The following CDYL variants were observed in gnomAD, a reference collection of about 807,000 sequenced individuals.
CDYL encodes chromodomain Y like.
In CDYL, 8 loss-of-function variants were observed where a neutral mutation model predicts 47.3. That is an observed-to-expected ratio of 0.17 (90% CI 0.10 to 0.31). CDYL has a LOEUF of 0.31. CDYL is among the 10% of genes least tolerant of loss of function. The probability of loss-of-function intolerance (pLI) is 1.00; values close to 1 mark genes in which losing one functional copy is unlikely to be tolerated. For missense variants in CDYL, 471 were observed against 701.4 expected (o/e 0.67, Z 3.71); for synonymous variants, 266 against 265.0 (o/e 1.00, Z -0.04).
At chr6:4,735,062 G>A (rs1757677305) in intron 3 of CDYL, among the ~76,000 whole-genome samples, 1 of 152,142 alleles carries the variant, frequency 6.6e-6, no homozygotes. Flanking sequence ...CGAGGCAGGC[G>A]GATCAGCTGA....
chr6:4,897,899 C>CA (rs111631974), intron 2 of CDYL, among the ~76,000 whole-genome samples: 25 of 149,036 alleles, frequency 1.7e-4, no homozygotes, highest in South Asian at 1.5e-3. Flanking sequence ...ACTAAAAATA[C>CA]AAAAAAAATT....
At chr6:4,783,218 T>C (rs1186936203) in intron 1 of CDYL, among the ~76,000 whole-genome samples, 1 of 151,944 alleles carries the variant, frequency 6.6e-6, no homozygotes, top group Non-Finnish European at 1.5e-5. Context: ...GAGATTTCTT[T>C]AGTGAGGGAC....
intron 2 of CDYL, among the ~76,000 whole-genome samples, chr6:4,920,413 G>A (rs747096734): frequency 2.0e-5 from 3 of 152,192 alleles, no homozygotes; most frequent in South Asian, 2.1e-4. Flanking sequence ...ATATATTATG[G>A]CACCACTGGA....
chr6:4,859,625 G>C (rs1193027758), intron 1 of CDYL, among the ~76,000 whole-genome samples: 3 of 152,200 alleles, frequency 2.0e-5, no homozygotes, highest in African/African-American at 7.2e-5. Context: ...ATGAGTGCTA[G>C]TTCTGCACAC....
chr6:4,913,023 G>C (rs1322801900), intron 2 of CDYL, among the ~76,000 whole-genome samples: 1 of 152,198 alleles, frequency 6.6e-6, no homozygotes, highest in Admixed American at 6.5e-5. Flanking sequence ...CCGGTGAGGT[G>C]GACTAGCAGA....
chr6:4,738,104 C>T (rs540551104), intron 3 of CDYL, among the ~76,000 whole-genome samples: 21 of 152,240 alleles, frequency 1.4e-4, no homozygotes, highest in South Asian at 4.2e-4. Context: ...TCAAAAAATA[C>T]AGGCTGGGCT....
chr6:4,859,823 G>A (rs151290524), intron 1 of CDYL, among the ~76,000 whole-genome samples: 3,762 of 152,196 alleles, frequency 0.025, 54 homozygotes, highest in Middle Eastern at 0.068. Flanking sequence ...ACAGCTCTGA[G>A]TGGCTGCCTC....
rs1384759091 is a variant in CDYL, at chr6:4,776,701, C to A, written c.-83C>A. ...AGCAGGAAGCGCAGGCCACGCAGGACCCAACTGAAACAAAGTGTCGGCCGC... is the reference window on the plus strand; with the variant it reads ...AGCAGGAAGCGCAGGCCACGCAGGAACCAACTGAAACAAAGTGTCGGCCGC... On this transcript the variant is annotated 5_prime_UTR_variant, in exon 1 of 7. Transcript: ENST00000397588. 3 of 1,236,514 alleles carry A rather than the reference C, an allele frequency of 2.4e-6. No homozygotes were observed. Among genetic ancestry groups the A allele is most frequent in the Non-Finnish European group, 3.1e-6 (3 of 955,152 alleles). The allele number at this position is 1,236,514 out of a possible 1,614,324, so 76.6% of individuals were successfully genotyped here.
chr6:4,889,797 A>G (rs1054502616), intron 1 of CDYL, among the ~76,000 whole-genome samples: 5 of 152,178 alleles, frequency 3.3e-5, no homozygotes, highest in Non-Finnish European at 7.4e-5. Flanking sequence ...TGTGTCCACT[A>G]TGACTTCCTT....
At chr6:4,779,455 G>T (rs1159869818) in intron 1 of CDYL, among the ~76,000 whole-genome samples, 1 of 152,196 alleles carries the variant, frequency 6.6e-6, no homozygotes, top group African/African-American at 2.4e-5. Flanking sequence ...TCGCCTAAAA[G>T]AAATGTCTCC....
intron 4 of CDYL, among the ~76,000 whole-genome samples, chr6:4,940,045 G>A (rs1458930810): frequency 6.6e-6 from 1 of 152,138 alleles, no homozygotes; most frequent in Non-Finnish European, 1.5e-5. Context: ...AGAGGCTGTG[G>A]GCTTGTGGCG....
chr6:4,786,530 T>G (rs1187699540), intron 1 of CDYL, among the ~76,000 whole-genome samples: 1 of 136,840 alleles, frequency 7.3e-6, no homozygotes, highest in African/African-American at 2.8e-5. Context: ...TTAAAAAGTT[T>G]GTTTTAGTAA....
chr6:4,953,004 G>A (rs1352101414), intron 6 of CDYL, among the ~76,000 whole-genome samples: 2 of 150,482 alleles, frequency 1.3e-5, no homozygotes, highest in African/African-American at 4.9e-5. Flanking sequence ...CTGACCTCAA[G>A]TTGATCCACC....
intron 3 of CDYL, among the ~76,000 whole-genome samples, chr6:4,741,057 G>A (rs189008922): frequency 1.0e-3 from 155 of 152,268 alleles, no homozygotes; most frequent in Non-Finnish European, 1.6e-3. Flanking sequence ...AAAGTGCTGG[G>A]ATTACAGGTG....
At chr6:4,909,431 A>G (rs545163546) in intron 2 of CDYL, among the ~76,000 whole-genome samples, 1 of 152,276 alleles carries the variant, frequency 6.6e-6, no homozygotes, top group African/African-American at 2.4e-5. Flanking sequence ...TGTCCAAGCA[A>G]TTGACATCAG....
intron 4 of CDYL, among the ~76,000 whole-genome samples, chr6:4,938,318 T>G (rs964730429): frequency 6.6e-6 from 1 of 152,030 alleles, no homozygotes; most frequent in South Asian, 2.1e-4. Context: ...GAGAACCAGA[T>G]AGTAGGAAAT....
intron 5 of CDYL, among the ~76,000 whole-genome samples, chr6:4,950,250 GGACACCTGCCCTTTGTGATTGAACCGCA>G (rs1758656003): frequency 6.6e-6 from 1 of 152,168 alleles, no homozygotes; most frequent in Non-Finnish European, 1.5e-5. Flanking sequence ...GGAAGCCTGC[GGACACCTGCCCTTTGTGATTGAACCGCA>G]GACACCAGGC....
chr6:4,850,161 A>G (rs990138891), intron 1 of CDYL, among the ~76,000 whole-genome samples: 3 of 152,198 alleles, frequency 2.0e-5, no homozygotes, highest in African/African-American at 7.2e-5. Context: ...CTGAATCTTC[A>G]TAGTAATGCT....
chr6:4,733,711 G>A (rs1049474643), intron 2 of CDYL, among the ~76,000 whole-genome samples: 3 of 152,112 alleles, frequency 2.0e-5, no homozygotes, highest in African/African-American at 7.2e-5. Flanking sequence ...TTTTATATTC[G>A]TTTAAAGGCT....
Sources: gnomAD v4.1 joint callset for allele counts (sites outside exome capture counted in the v4.1 genomes callset) on GRCh38, gnomAD v4.1.1 for gene constraint, MANE v1.5 for transcripts, NCBI Gene and HGNC (gene_info 2026-07-23, HGNC 2026-07-21) for gene names.